MAML2: variants seen among roughly 807,000 people sequenced by gnomAD.
The protein encoded by MAML2 is mastermind like transcriptional coactivator 2, also known as mastermind-like protein 2.
In MAML2, 22 loss-of-function variants were observed where a neutral mutation model predicts 96.1. The observed-to-expected ratio is 0.23, with a 90% CI of 0.16 to 0.33. The LOEUF is 0.33. MAML2 is among the 10% of genes least tolerant of loss of function. The probability of loss-of-function intolerance (pLI) is 1.00; values close to 1 mark genes in which losing one functional copy is unlikely to be tolerated. For synonymous variants in MAML2, 561 were observed against 521.3 expected (o/e 1.08, Z -1.04); for missense variants, 1,367 against 1,392.4 (o/e 0.98, Z 0.29).
At chr11:95,994,640 G>T (rs1024515780) in intron 2 of MAML2, among the ~76,000 whole-genome samples, 1 of 152,080 alleles carries the variant, frequency 6.6e-6, no homozygotes, top group Non-Finnish European at 1.5e-5. Context: ...CATCAAGGTG[G>T]GAGAGAATGT....
intron 1 of MAML2, among the ~76,000 whole-genome samples, chr11:96,307,374 AGAGT>A (rs1407087354): frequency 6.6e-6 from 1 of 152,220 alleles, no homozygotes; most frequent in East Asian, 1.9e-4. Flanking sequence ...CTGTAAAGGA[AGAGT>A]GAGAGGCTGT....
At chr11:96,184,654 G>C (rs1433758243) in intron 1 of MAML2, among the ~76,000 whole-genome samples, 1 of 143,214 alleles carries the variant, frequency 7.0e-6, no homozygotes, top group Non-Finnish European at 1.5e-5. Context: ...CGGTGGCGCT[G>C]TCTGGGCTCA....
In MAML2 at chr11:95,979,361, A is replaced by C. The variant is rs762389414; in HGVS notation, c.3058T>G (p.Leu1020Val). 6.2e-7 allele frequency: 1 copy of C among 1,613,806 alleles called. No homozygotes were observed. Reference sequence around the variant, plus strand: ...GGTCTCATTTGCACTGCTGGTGTTAACTGGTTAGGAGGAGCCACTGCCCTC... The same window carrying C: ...GGTCTCATTTGCACTGCTGGTGTTACCTGGTTAGGAGGAGCCACTGCCCTC... Reference protein sequence around the residue: ...SQRAVAPPNQLTPAVQMRPMN... With the variant: ...SQRAVAPPNQVTPAVQMRPMN... Residue 1020 changes from leucine to valine, a missense_variant, in exon 5 of 5, where the codon TTA becomes GTA. Transcript: ENST00000524717.
intron 2 of MAML2, among the ~76,000 whole-genome samples, chr11:96,068,071 T>C (rs1859272308): frequency 1.3e-5 from 2 of 152,202 alleles, no homozygotes; most frequent in Non-Finnish European, 2.9e-5. Flanking sequence ...ACATTTCTGG[T>C]TCAACAAGTT....
intron 1 of MAML2, among the ~76,000 whole-genome samples, chr11:96,251,969 T>G (rs1254991537): frequency 1.3e-5 from 2 of 152,006 alleles, no homozygotes; most frequent in Non-Finnish European, 2.9e-5. Context: ...CCTGACCTCA[T>G]GATCTGCCCG....
rs1863999734 is a variant in MAML2, at chr11:96,341,816, G to A, written c.80C>T (p.Ser27Leu). The change falls in exon 1 of 5, where the codon TCA becomes TTA. Residue 27 changes from serine (S) to leucine (L), a missense_variant. Transcript: ENST00000524717. ...AGCACTGTGCACTCTCGGGGTGACT[G>A]AGCCCCCTCCAAGGAGCCCCGCCCC... is the stretch of plus-strand genomic sequence containing the variant. ...ASGAGLLGGG[S>L]VTPRVHSAIV... is the part of the protein sequence containing the mutation. The A allele has an allele frequency of 1.3e-6, 2 of 1,596,480 alleles. No homozygotes were observed. The highest frequency in any genetic ancestry group is 1.7e-6 in the Non-Finnish European group (2 of 1,174,376).
At chr11:96,146,160 A>G (rs558046902) in intron 1 of MAML2, among the ~76,000 whole-genome samples, 1 of 152,360 alleles carries the variant, frequency 6.6e-6, no homozygotes, top group African/African-American at 2.4e-5. Context: ...TTGTGGTAGC[A>G]TGGTATCTTA....
chr11:96,066,028 C>T (rs1468920236), intron 2 of MAML2, among the ~76,000 whole-genome samples: 1 of 152,218 alleles, frequency 6.6e-6, no homozygotes, highest in Non-Finnish European at 1.5e-5. Flanking sequence ...ACTGAAAACT[C>T]GCTCCAAGAA....
intron 1 of MAML2, among the ~76,000 whole-genome samples, chr11:96,109,165 A>G (rs988751790): frequency 6.6e-6 from 1 of 152,194 alleles, no homozygotes; most frequent in Non-Finnish European, 1.5e-5. Context: ...TATTCCAGGG[A>G]ACCACTATAG....
At chr11:96,336,709 G>A (rs898441943) in intron 1 of MAML2, among the ~76,000 whole-genome samples, 5 of 152,122 alleles carry the variant, frequency 3.3e-5, no homozygotes, top group African/African-American at 1.2e-4. Flanking sequence ...AAATAACAGT[G>A]CTAAACACAA....
chr11:96,040,964 T>C (rs1858797731), intron 2 of MAML2, among the ~76,000 whole-genome samples: 2 of 152,264 alleles, frequency 1.3e-5, no homozygotes, highest in African/African-American at 2.4e-5. Context: ...CTGAGATTCA[T>C]CCACGTTGTT....
At position 96,342,362 on chromosome 11, in the gene MAML2, G is replaced by A; in HGVS notation, c.-467C>T. ...GACTCCCCCTCACCTAGTTGTTTCC[G>A]ACAATTCTTTATGGGGATGTTTCTG... On this transcript the variant is annotated 5_prime_UTR_variant, in exon 1 of 5. Coordinates refer to ENST00000524717, the MANE Select transcript of MAML2 (RefSeq NM_032427.4). The A allele has an allele frequency of 2.5e-6, 1 of 399,682 alleles. No individual in the cohort carries two copies. The highest frequency in any genetic ancestry group is 4.4e-6 in the Non-Finnish European group (1 of 226,904). The allele number at this position is 399,682 out of a possible 1,614,324, so 24.8% of individuals were successfully genotyped here.
chr11:96,139,438 C>T (rs890185557), intron 1 of MAML2, among the ~76,000 whole-genome samples: 10 of 122,934 alleles, frequency 8.1e-5, no homozygotes, highest in Non-Finnish European at 1.6e-4. Flanking sequence ...GATCCCACCA[C>T]TGCACTCCAG....
chr11:96,306,073 T>C (rs962884582), intron 1 of MAML2, among the ~76,000 whole-genome samples: 23 of 149,180 alleles, frequency 1.5e-4, no homozygotes, highest in Admixed American at 6.6e-4. Context: ...TATATAATTA[T>C]ATACATAACA....
chr11:96,333,509 G>A (rs1017490166), intron 1 of MAML2, among the ~76,000 whole-genome samples: 3 of 152,176 alleles, frequency 2.0e-5, no homozygotes, highest in South Asian at 2.1e-4. Context: ...ATTAAGAATC[G>A]TCATCAATAA....
chr11:96,066,457 A>C (rs1396965743), intron 2 of MAML2, among the ~76,000 whole-genome samples: 1 of 152,180 alleles, frequency 6.6e-6, no homozygotes, highest in Non-Finnish European at 1.5e-5. Context: ...GAGGATGAAT[A>C]AAATTATATA....
chr11:96,162,380 A>G (rs993821343), intron 1 of MAML2, among the ~76,000 whole-genome samples: 20 of 151,968 alleles, frequency 1.3e-4, no homozygotes, highest in African/African-American at 4.6e-4. Flanking sequence ...AGCGATTGCT[A>G]TGCTCCCGGA....
At chr11:96,295,127 T>C (rs907924385) in intron 1 of MAML2, among the ~76,000 whole-genome samples, 25 of 152,154 alleles carry the variant, frequency 1.6e-4, no homozygotes, top group African/African-American at 5.6e-4. Flanking sequence ...TAACACCAGG[T>C]GAATGAAAGT....
chr11:96,039,963 CA>C (rs67545681), intron 2 of MAML2, among the ~76,000 whole-genome samples: 50,767 of 104,536 alleles, frequency 0.49, 9,533 homozygotes, highest in East Asian at 0.6. Context: ...GACTCTGTCT[CA>C]AAAAAAAAAA....
Sources: gnomAD v4.1 joint callset for allele counts (sites outside exome capture counted in the v4.1 genomes callset) on GRCh38, gnomAD v4.1.1 for gene constraint, MANE v1.5 for transcripts, NCBI Gene and HGNC (gene_info 2026-07-23, HGNC 2026-07-21) for gene names.